The following PAPSS1 variants were observed in gnomAD, a reference collection of about 807,000 sequenced individuals.
PAPSS1 encodes 3'-phosphoadenosine 5'-phosphosulfate synthase 1.
Under a neutral mutation model 72.0 loss-of-function variants are expected in PAPSS1, and 50 were observed. The observed-to-expected ratio is 0.69, with a 90% CI of 0.55 to 0.88. The LOEUF (loss-of-function observed/expected upper bound fraction) is 0.88, where lower values mean the gene tolerates loss of function less well. Among genes scored for constraint, PAPSS1 ranks in the 40% least tolerant of loss-of-function variants. The probability of loss-of-function intolerance (pLI) is 0.00; values close to 1 mark genes in which losing one functional copy is unlikely to be tolerated. For synonymous variants in PAPSS1, 261 were observed against 263.6 expected, an observed-to-expected ratio of 0.99 and a Z score of 0.09; for missense variants, 657 against 782.2, an observed-to-expected ratio of 0.84 and a Z score of 1.91.
chr4:107,710,265 G>T (rs1723453689), intron 1 of PAPSS1, among the ~76,000 whole-genome samples: 1 of 152,104 alleles, frequency 6.6e-6, no homozygotes, highest in Admixed American at 6.5e-5. Context: ...ACAGGAGAGA[G>T]AAACCAAGCT....
In PAPSS1 at chr4:107,644,724, C is replaced by T. The variant is rs1428517053; in HGVS notation, c.1506+78G>A. On this transcript the variant is annotated intron_variant, in intron 10 of 11. Coordinates refer to ENST00000265174, the MANE Select transcript of PAPSS1 (RefSeq NM_005443.5). ...ACAGGCCTACAGAGCACAGAAAAAGCAATCGGATGGTGACACTAGCTGTGT... is the reference window on the plus strand; with the variant it reads ...ACAGGCCTACAGAGCACAGAAAAAGTAATCGGATGGTGACACTAGCTGTGT... 6.5e-6 allele frequency: 9 copies of T among 1,387,296 alleles called. No homozygotes were observed. The East Asian group carries it at 1.4e-4, about 22-fold the overall frequency. The allele number at this position is 1,387,296 out of a possible 1,614,324, so 85.9% of individuals were successfully genotyped here.
chr4:107,668,899 A>G (rs1313540186), intron 5 of PAPSS1, among the ~76,000 whole-genome samples: 4 of 152,174 alleles, frequency 2.6e-5, no homozygotes, highest in African/African-American at 7.2e-5. Flanking sequence ...ACATTTATAT[A>G]TTCTTTTACA....
At chr4:107,639,931 A>G (rs1205446455) in intron 10 of PAPSS1, among the ~76,000 whole-genome samples, 1 of 152,202 alleles carries the variant, frequency 6.6e-6, no homozygotes, top group Non-Finnish European at 1.5e-5. Context: ...AGTTTCTCTT[A>G]AAGAGTCAAT....
chr4:107,615,704 GATAA>G (rs1448887477), intron 11 of PAPSS1, among the ~76,000 whole-genome samples: 1 of 152,096 alleles, frequency 6.6e-6, no homozygotes, highest in Non-Finnish European at 1.5e-5. Context: ...TGTGATTAAT[GATAA>G]ATAAAATAAC....
At chr4:107,619,515 T>G (rs990456951) in intron 11 of PAPSS1, among the ~76,000 whole-genome samples, 4 of 152,126 alleles carry the variant, frequency 2.6e-5, no homozygotes, top group Non-Finnish European at 5.9e-5. Flanking sequence ...CAAAATCAAA[T>G]CATATTTTTC....
At chr4:107,635,156 T>A (rs1726337273) in intron 10 of PAPSS1, among the ~76,000 whole-genome samples, 1 of 152,232 alleles carries the variant, frequency 6.6e-6, no homozygotes, top group African/African-American at 2.4e-5. Flanking sequence ...TTATTTTTTA[T>A]ATTCTATTAG....
chr4:107,702,513 C>T (rs958030205), intron 1 of PAPSS1, among the ~76,000 whole-genome samples: 3 of 152,180 alleles, frequency 2.0e-5, no homozygotes, highest in African/African-American at 4.8e-5. Context: ...GACCCCCACT[C>T]GACCCCAAAC....
In PAPSS1 at chr4:107,687,190, TAAAATA is replaced by T; in HGVS notation, c.412-19_412-14del. 6.5e-7 allele frequency: 1 copy of T among 1,533,728 alleles called. No homozygotes were observed. The highest frequency in any genetic ancestry group is 8.7e-7 in the Non-Finnish European group (1 of 1,147,754). ...CATTGTTGCGATCCTTAAAAAAAAA[TAAAATA>T]AAAAGTGATCACACAAATCACAAAC... On this transcript the variant is annotated splice_polypyrimidine_tract_variant and intron_variant, in intron 3 of 11. Coordinates refer to ENST00000265174, the MANE Select transcript of PAPSS1 (RefSeq NM_005443.5).
intron 5 of PAPSS1, among the ~76,000 whole-genome samples, chr4:107,666,213 C>G (rs1449138511): frequency 6.6e-6 from 1 of 152,114 alleles, no homozygotes; most frequent in Non-Finnish European, 1.5e-5. Context: ...TAATTTATAG[C>G]ACTAGTAAAT....
intron 11 of PAPSS1, among the ~76,000 whole-genome samples, chr4:107,624,244 A>G (rs996817517): frequency 6.6e-6 from 1 of 152,174 alleles, no homozygotes; most frequent in African/African-American, 2.4e-5. Context: ...TTTGGAGCTT[A>G]GTGCAAACAT....
At position 107,701,309 on chromosome 4, in the gene PAPSS1, T is replaced by A. The variant is rs751361919; in HGVS notation, c.61-24A>T. On this transcript the variant is annotated intron_variant, in intron 1 of 11. Transcript: ENST00000265174. ...CCCTAGAAAAAAAAGAAAAAAAAAATTCTAGTTTACATGAGTCCTTTAAAA... is the reference window on the plus strand; with the variant it reads ...CCCTAGAAAAAAAAGAAAAAAAAAAATCTAGTTTACATGAGTCCTTTAAAA... 5.3e-6 allele frequency: 8 copies of A among 1,503,054 alleles called. No individual in the cohort carries two copies. The African/African-American group carries it at 5.5e-5, about 10-fold the overall frequency. The allele number at this position is 1,503,054 out of a possible 1,614,324, so 93.1% of individuals were successfully genotyped here. A position where few individuals can be genotyped will look rare whatever the true frequency, so the allele number is the denominator to read the frequency against.
chr4:107,642,343 A>C (rs1035640922), intron 10 of PAPSS1, among the ~76,000 whole-genome samples: 4 of 152,156 alleles, frequency 2.6e-5, no homozygotes, highest in Non-Finnish European at 4.4e-5. Context: ...TTCAGATTTT[A>C]TCTCTACCAT....
intron 5 of PAPSS1, among the ~76,000 whole-genome samples, chr4:107,676,331 CAA>C (rs1727649113): frequency 6.6e-6 from 1 of 152,200 alleles, no homozygotes; most frequent in African/African-American, 2.4e-5. Context: ...CCAACTTCAG[CAA>C]AGTCTCAGGA....
chr4:107,678,797 A>T (rs866907899), intron 5 of PAPSS1, among the ~76,000 whole-genome samples: 24 of 152,250 alleles, frequency 1.6e-4, no homozygotes, highest in Admixed American at 5.2e-4. Context: ...ACAGGCAAAA[A>T]AACTATGCTC....
intron 5 of PAPSS1, among the ~76,000 whole-genome samples, chr4:107,681,225 T>C (rs891636858): frequency 3.3e-5 from 5 of 152,092 alleles, no homozygotes; most frequent in Admixed American, 6.6e-5. Flanking sequence ...TGAGGAAAGA[T>C]GATGTCTTTT....
intron 11 of PAPSS1, among the ~76,000 whole-genome samples, chr4:107,618,732 A>C (rs1578377146): frequency 6.6e-6 from 1 of 152,100 alleles, no homozygotes; most frequent in Admixed American, 6.6e-5. Flanking sequence ...AATATATAAA[A>C]TAATCCATCC....
intron 5 of PAPSS1, among the ~76,000 whole-genome samples, chr4:107,666,026 A>C (rs748075610): frequency 6.6e-6 from 1 of 152,158 alleles, no homozygotes; most frequent in Non-Finnish European, 1.5e-5. Flanking sequence ...GGGCACATTC[A>C]TATTTTTATG....
intron 6 of PAPSS1, among the ~76,000 whole-genome samples, chr4:107,657,744 CAAA>C (rs33998305): frequency 8.1e-6 from 1 of 123,058 alleles, no homozygotes; most frequent in Non-Finnish European, 1.8e-5. Flanking sequence ...GACCATGTCT[CAAA>C]AAAAAAAAAA....
intron 5 of PAPSS1, among the ~76,000 whole-genome samples, chr4:107,676,015 G>A (rs949425532): frequency 9.9e-5 from 15 of 152,228 alleles, no homozygotes; most frequent in Middle Eastern, 3.4e-3. Flanking sequence ...AATAAATTAG[G>A]TATTGATGGG....
Sources: gnomAD v4.1 joint callset for allele counts (sites outside exome capture counted in the v4.1 genomes callset) on GRCh38, gnomAD v4.1.1 for gene constraint, MANE v1.5 for transcripts, NCBI Gene and HGNC (gene_info 2026-07-23, HGNC 2026-07-21) for gene names.